The following RNFT1 variants were observed in gnomAD, a reference collection of about 807,000 sequenced individuals.
RNFT1 encodes the protein ring finger protein, transmembrane 1.
In RNFT1, 35 loss-of-function variants were observed where a neutral mutation model predicts 53.2. That is an observed-to-expected ratio of 0.66 (90% confidence interval 0.50 to 0.87). The LOEUF is 0.87. RNFT1 is among the 40% of genes least tolerant of loss of function. The pLI is 0.00. For synonymous variants in RNFT1, 141 were observed against 172.8 expected (o/e 0.82, Z 1.44); for missense variants, 421 against 515.0 (o/e 0.82, Z 1.77).
At chr17:59,959,957 A>T in intron 4 of RNFT1, 111 bp downstream of exon 4, 1 of 1,095,322 alleles carries the variant, frequency 9.1e-7, no homozygotes, top group Non-Finnish European at 1.2e-6. Context: ...GGAGAAAGTT[A>T]AAAACTGAAC....
intron 4 of RNFT1, 68 bp downstream of exon 4, chr17:59,960,000 A>T: frequency 6.8e-7 from 1 of 1,472,614 alleles, no homozygotes; most frequent in East Asian, 2.3e-5. Flanking sequence ...ATGTGAAGTA[A>T]GATACAAAGT....
In RNFT1 at chr17:59,963,236, T is replaced by TAA; in HGVS notation, c.103_104dup (p.Leu35PhefsTer2). ...GGCTACGATTGGCTTGCATGGCCCT[T>TAA]AAATACTTTTTCTCTGACCCAGATG... is the stretch of plus-strand genomic sequence containing the variant. On this transcript the variant is annotated frameshift_variant, in exon 2 of 9. Coordinates refer to ENST00000305783, the MANE Select transcript of RNFT1 (RefSeq NM_016125.4). LOFTEE classifies it high-confidence loss of function. The TAA allele has an allele frequency of 6.2e-7, 1 of 1,613,428 alleles. No individual in the cohort carries two copies. Among genetic ancestry groups the TAA allele is most frequent in the Non-Finnish European group, 8.5e-7 (1 of 1,179,796 alleles).
Position 59,963,240 on chromosome 17 carries a change from T to C in RNFT1, c.101A>G (p.Tyr34Cys). ...ACGATTGGCTTGCATGGCCCTTAAA[T>C]ACTTTTTCTCTGACCCAGATGTCTT... ...EAKTSGSEKKYLRAMQANRSQ... is the reference protein window; with the variant it reads ...EAKTSGSEKKCLRAMQANRSQ... The change falls in exon 2 of 9, where the codon TAT (tyrosine) becomes TGT (cysteine). Residue 34 changes from tyrosine (Y) to cysteine (C), a missense_variant. Transcript: ENST00000305783. 2 of 1,613,384 alleles carry C rather than the reference T, an allele frequency of 1.2e-6. No individual in the cohort carries two copies. Among genetic ancestry groups the C allele is most frequent in the South Asian group, 2.2e-5 (2 of 91,084 alleles).
rs112664639 is a variant in RNFT1 at position 59,957,855 on chromosome 17, A to C, written c.846+436T>G. Among the ~76,000 whole-genome samples the C allele has an allele frequency of 4.3e-4, 66 of 152,248 alleles. 1 individual carries two copies. The highest frequency in any genetic ancestry group is 1.6e-3 in the African/African-American group (65 of 41,546). On this transcript the variant is annotated intron_variant, in intron 5 of 8. Coordinates refer to ENST00000305783, the MANE Select transcript of RNFT1 (RefSeq NM_016125.4). ...GCGAGAGACAATCTCAAAACAAAAC[A>C]AAACCAAAAAAAAAGATACAATGAG... is the stretch of plus-strand genomic sequence containing the variant.
In RNFT1 at chr17:59,963,166, T is replaced by G. The variant is rs768994695; in HGVS notation, c.175A>C (p.Thr59Pro). The G allele has an allele frequency of 6.2e-7, 1 of 1,614,190 alleles. No individual in the cohort carries two copies. The highest frequency in any genetic ancestry group is 8.5e-7 in the Non-Finnish European group (1 of 1,180,048). ...AATCTTGTGTGGACACACTGAGGGG[T>G]TGAGGCATCCTCACTGCTTCCAGTT... ...PGTGSSEDAS[T>P]PQCVHTRLTG... The change falls in exon 2 of 9, where the codon ACC becomes CCC. Residue 59 changes from threonine (T) to proline (P), a missense_variant. Physicochemically the swap from Thr to Pro is conservative, Grantham distance 38. Coordinates refer to ENST00000305783, the MANE Select transcript of RNFT1 (RefSeq NM_016125.4).
chr17:59,956,559 A>C lies in RNFT1; in HGVS notation c.1006-6T>G. 6.2e-7 allele frequency: 1 copy of C among 1,606,336 alleles called. No individual in the cohort carries two copies. Among genetic ancestry groups the C allele is most frequent in the Non-Finnish European group, 8.5e-7 (1 of 1,174,138 alleles). ...TGCCCAAAAAATTCCAAAAGCTGAA[A>C]AGAGAAATAAGAGATCATTTATTAA... is the stretch of plus-strand genomic sequence containing the variant. On this transcript the variant is annotated splice_region_variant and splice_polypyrimidine_tract_variant and intron_variant, in intron 6 of 8. Transcript: ENST00000305783.
intron 1 of RNFT1, among the ~76,000 whole-genome samples, chr17:59,964,291 G>A (rs1009201849): frequency 1.3e-5 from 2 of 152,128 alleles, no homozygotes; most frequent in Non-Finnish European, 2.9e-5. Flanking sequence ...TGGCGGTTTG[G>A]GTTTCAGTGC....
chr17:59,958,126 G>A (rs544373075), intron 5 of RNFT1, among the ~76,000 whole-genome samples, 165 bp downstream of exon 5: 1 of 152,248 alleles, frequency 6.6e-6, no homozygotes, highest in African/African-American at 2.4e-5. Flanking sequence ...TTAATAATCA[G>A]GTTCAAGTGC....
At chr17:59,953,163 A>G in intron 8 of RNFT1, 52 bp from the exon 9 acceptor site, 1 of 1,437,352 alleles carries the variant, frequency 7.0e-7, no homozygotes, top group Non-Finnish European at 9.6e-7. Flanking sequence ...TTTTAAATCC[A>G]TCACATTGTA....
At chr17:59,960,200 T>C (rs1322744849) in intron 3 of RNFT1, 32 bp from the exon 4 acceptor site, 5 of 1,580,024 alleles carry the variant, frequency 3.2e-6, no homozygotes, top group South Asian at 2.4e-5. Flanking sequence ...AATGTTACTT[T>C]GATTTTGCCA....
intron 8 of RNFT1, among the ~76,000 whole-genome samples, chr17:59,953,343 G>GACC (rs886910532): frequency 1.3e-5 from 2 of 151,974 alleles, no homozygotes; most frequent in African/African-American, 2.4e-5. Context: ...GATTACAGGT[G>GACC]ACCACCACCA....
chr17:59,958,354 A>G lies in RNFT1; in HGVS notation c.783T>C (p.Phe261=). ...VGITDFILKF[F]FMGLKCLILL... ...AAATAAGGCATTTTAAGCCCATGAA[A>G]AAGAATTTCAGAATGAAGTCTGTAA... Residue 261 remains phenylalanine, a synonymous_variant, in exon 5 of 9, where the codon TTT becomes TTC. Transcript: ENST00000305783. 6.2e-7 allele frequency: 1 copy of G among 1,606,708 alleles called. No homozygotes were observed. The highest frequency in any genetic ancestry group is 8.5e-7 in the Non-Finnish European group (1 of 1,178,308).
At position 59,952,796 on chromosome 17, in the gene RNFT1, T is replaced by C; in HGVS notation, c.*181A>G. The stretch of plus-strand genomic sequence containing the variant: ...CATATACATTAGGTTGAACATTATA[T>C]ATATTTTAAAACACAGGGTGGTTTC... On this transcript the variant is annotated 3_prime_UTR_variant, in exon 9 of 9. Transcript: ENST00000305783. 1 of 516,370 alleles carries C rather than the reference T, an allele frequency of 1.9e-6. No individual in the cohort carries two copies. Among genetic ancestry groups the C allele is most frequent in the Non-Finnish European group, 3.4e-6 (1 of 294,920 alleles). 32.0% of individuals were successfully genotyped at this position (516,370 alleles called of 1,614,324 possible).
intron 3 of RNFT1, among the ~76,000 whole-genome samples, chr17:59,961,193 C>A (rs2045289512): frequency 1.3e-5 from 2 of 151,914 alleles, no homozygotes; most frequent in Admixed American, 1.3e-4. Flanking sequence ...CGTGCCACCA[C>A]GCCCAGCTAA....
rs1319301853 is a variant in RNFT1, at chr17:59,963,025, A to G, written c.316T>C (p.Cys106Arg). The G allele has an allele frequency of 8.1e-6, 13 of 1,614,112 alleles. No individual in the cohort carries two copies. The highest frequency in any genetic ancestry group is 1.1e-5 in the Non-Finnish European group (13 of 1,180,048). The part of the protein sequence containing the change: ...SRNIRSGVHS[C>R]AHGCVHSRLR... ...CGACTGTGTACACATCCATGGGCAC[A>G]GCTATGGACACCTGACCTTATATTT... The change falls in exon 2 of 9, where the codon TGT becomes CGT. Residue 106 changes from cysteine to arginine, a missense_variant. Transcript: ENST00000305783.
At chr17:59,955,027 T>C (rs1264858775) in intron 7 of RNFT1, among the ~76,000 whole-genome samples, 4 of 152,172 alleles carry the variant, frequency 2.6e-5, no homozygotes, top group Admixed American at 2.0e-4. Flanking sequence ...AAACCTGCTT[T>C]CTGTAGAAAT....
chr17:59,955,803 A>C (rs1196629864), intron 7 of RNFT1, among the ~76,000 whole-genome samples: 1 of 152,174 alleles, frequency 6.6e-6, no homozygotes, highest in Non-Finnish European at 1.5e-5. Context: ...AATGACTGCA[A>C]AATTGAGAAT....
intron 5 of RNFT1, 54 bp downstream of exon 5, chr17:59,958,237 G>T: frequency 1.3e-6 from 2 of 1,500,474 alleles, no homozygotes; most frequent in Non-Finnish European, 1.8e-6. Context: ...AGACTAAATA[G>T]CATTAATGTG....
intron 7 of RNFT1, among the ~76,000 whole-genome samples, chr17:59,955,122 A>C (rs1486821515): frequency 6.6e-6 from 1 of 152,212 alleles, no homozygotes; most frequent in Non-Finnish European, 1.5e-5. Flanking sequence ...ACATAGCTGA[A>C]GTTATCTAAA....
Sources: gnomAD v4.1 joint callset for allele counts (sites outside exome capture counted in the v4.1 genomes callset) on GRCh38, gnomAD v4.1.1 for gene constraint, MANE v1.5 for transcripts, NCBI Gene and HGNC (gene_info 2026-07-23, HGNC 2026-07-21) for gene names.